The following ZNF609 variants were observed in gnomAD, a reference collection of about 807,000 sequenced individuals.
The protein encoded by ZNF609 is zinc finger protein 609.
ZNF609 carries 11 observed loss-of-function variants against 109.5 expected under a neutral mutation model. The ratio of observed to expected loss-of-function variants is 0.10; its 90% CI spans 0.06 to 0.17. ZNF609 has a LOEUF of 0.17. ZNF609 is among the 10% of genes least tolerant of loss of function. The pLI is 1.00. For missense variants in ZNF609, 1,559 were observed against 1,772.4 expected (o/e 0.88, Z 2.16); for synonymous variants, 646 against 662.0 (o/e 0.98, Z 0.37).
intron 2 of ZNF609, among the ~76,000 whole-genome samples, chr15:64,577,236 TAC>T (rs199515255): frequency 1.1e-4 from 7 of 61,204 alleles, no homozygotes; most frequent in Non-Finnish European, 1.6e-4. Flanking sequence ...CACAAATACA[TAC>T]ATATATATGT....
chr15:64,603,091 C>T (rs752113328), intron 2 of ZNF609, among the ~76,000 whole-genome samples: 9 of 151,560 alleles, frequency 5.9e-5, no homozygotes, highest in East Asian at 1.9e-4. Flanking sequence ...ATCCAGTTGC[C>T]TATTTAAAAC....
chr15:64,541,166 G>T (rs1474899195), intron 2 of ZNF609, among the ~76,000 whole-genome samples: 1 of 151,542 alleles, frequency 6.6e-6, no homozygotes, highest in East Asian at 2.0e-4. Flanking sequence ...GGTGGCTCAC[G>T]CCTGTAATCC....
intron 2 of ZNF609, among the ~76,000 whole-genome samples, chr15:64,614,196 C>T (rs184553931): frequency 4.5e-4 from 68 of 151,762 alleles, no homozygotes; most frequent in African/African-American, 1.5e-3. Flanking sequence ...GCTGGGATTA[C>T]AGGTGTGAGC....
At chr15:64,677,506 A>G (rs1896825570) in intron 5 of ZNF609, among the ~76,000 whole-genome samples, 1 of 151,992 alleles carries the variant, frequency 6.6e-6, no homozygotes, top group Admixed American at 6.6e-5. Flanking sequence ...TGTTTCCTCC[A>G]CTGTTTGGTT....
chr15:64,479,314 CAG>C (rs1157842575), intron 1 of ZNF609, among the ~76,000 whole-genome samples: 13 of 71,138 alleles, frequency 1.8e-4, no homozygotes, highest in Admixed American at 6.9e-4. Flanking sequence ...TTTTTTGAGA[CAG>C]AGTCTCGCCC....
chr15:64,559,785 A>G (rs1469432138), intron 2 of ZNF609, among the ~76,000 whole-genome samples: 4 of 152,206 alleles, frequency 2.6e-5, no homozygotes, highest in African/African-American at 4.8e-5. Context: ...AGCCCTTTCT[A>G]GTTTACTATG....
chr15:64,505,610 T>C (rs1316810987), intron 2 of ZNF609, among the ~76,000 whole-genome samples: 1 of 152,146 alleles, frequency 6.6e-6, no homozygotes, highest in Non-Finnish European at 1.5e-5. Flanking sequence ...GTGTGTCCCA[T>C]AAAACCATGT....
intron 1 of ZNF609, among the ~76,000 whole-genome samples, chr15:64,476,375 TATATG>T (rs1490671477): frequency 1.3e-5 from 2 of 151,432 alleles, no homozygotes; most frequent in Admixed American, 6.6e-5. Context: ...AGAAAGGTAA[TATATG>T]ATATGGGGAA....
At chr15:64,611,735 TC>T (rs1185316173) in intron 2 of ZNF609, among the ~76,000 whole-genome samples, 5 of 151,674 alleles carry the variant, frequency 3.3e-5, no homozygotes, top group South Asian at 2.1e-4. Flanking sequence ...AATTTTCTTT[TC>T]TTTTTTTTTT....
chr15:64,511,291 G>T (rs1157402030), intron 2 of ZNF609, among the ~76,000 whole-genome samples: 1 of 151,846 alleles, frequency 6.6e-6, no homozygotes, highest in Non-Finnish European at 1.5e-5. Flanking sequence ...GGCCAACATG[G>T]TGAAACTCTA....
chr15:64,527,870 C>T (rs918954758), intron 2 of ZNF609, among the ~76,000 whole-genome samples: 1 of 152,082 alleles, frequency 6.6e-6, no homozygotes, highest in Non-Finnish European at 1.5e-5. Flanking sequence ...TTGTTCAGAC[C>T]CTCATCATTT....
At chr15:64,547,465 G>C (rs1894384008) in intron 2 of ZNF609, among the ~76,000 whole-genome samples, 1 of 152,158 alleles carries the variant, frequency 6.6e-6, no homozygotes, top group Non-Finnish European at 1.5e-5. Context: ...ATTCTATGTA[G>C]AATTGACATG....
chr15:64,478,820 T>G (rs1893208516), intron 1 of ZNF609, among the ~76,000 whole-genome samples: 1 of 152,224 alleles, frequency 6.6e-6, no homozygotes, highest in African/African-American at 2.4e-5. Flanking sequence ...TATATCAAAC[T>G]TGAAGTCATA....
At chr15:64,555,964 A>C (rs1894578480) in intron 2 of ZNF609, among the ~76,000 whole-genome samples, 1 of 150,926 alleles carries the variant, frequency 6.6e-6, no homozygotes, top group African/African-American at 2.4e-5. Flanking sequence ...CCATAATCCT[A>C]CATGTAGCAA....
chr15:64,626,007 G>A (rs1365105512), intron 3 of ZNF609, among the ~76,000 whole-genome samples: 1 of 143,282 alleles, frequency 7.0e-6, no homozygotes, highest in African/African-American at 2.6e-5. Flanking sequence ...GAATGGTGTC[G>A]AAGTACTTTC....
rs187895637 is a variant in ZNF609, at chr15:64,587,597, C to T, written c.748-35230C>T. Among the ~76,000 whole-genome samples, 111 of 152,258 alleles carry T rather than the reference C, an allele frequency of 7.3e-4. 1 individual carries two copies. Among genetic ancestry groups the T allele is most frequent in the African/African-American group, 2.5e-3 (103 of 41,556 alleles). ...TTTTCAAAAGTGTTCATTGATTATACTCAAAAAACATTTATGGAGTACTTC... is the reference window on the plus strand; with the variant it reads ...TTTTCAAAAGTGTTCATTGATTATATTCAAAAAACATTTATGGAGTACTTC... On this transcript the variant is annotated intron_variant, in intron 2 of 9. Transcript: ENST00000326648.
chr15:64,675,894 T>G lies in ZNF609; in HGVS notation c.3040T>G (p.Leu1014Val). Residue 1014 changes from leucine to valine, a missense_variant, in exon 5 of 10, where the codon TTA becomes GTA. Leu to Val is a conservative substitution (Grantham distance 32). Around this residue, in one of 4 missense-constraint regions of ZNF609, gnomAD observed 1,204 missense variants for 1,314.1 expected, o/e 0.92. Coordinates refer to ENST00000326648, the MANE Select transcript of ZNF609 (RefSeq NM_015042.2). ...QYEEQQKRQS[L>V]EQQQRGVDKK... ...CGAAGAACAGCAGAAACGCCAGAGC[T>G]TAGAGCAGCAGCAGCGGGGAGTGGA... is the stretch of plus-strand genomic sequence containing the variant. 1 of 1,614,038 alleles carries G rather than the reference T, an allele frequency of 6.2e-7. No homozygotes were observed. The highest frequency in any genetic ancestry group is 8.5e-7 in the Non-Finnish European group (1 of 1,180,014).
chr15:64,464,345 C>G (rs1892982321), intron 1 of ZNF609, among the ~76,000 whole-genome samples: 1 of 152,186 alleles, frequency 6.6e-6, no homozygotes, highest in African/African-American at 2.4e-5. Flanking sequence ...TCCAGAAGTT[C>G]CCACTCTGCT....
At chr15:64,593,066 G>A (rs562875086) in intron 2 of ZNF609, 266 of 1,590,348 alleles carry the variant, frequency 1.7e-4, no homozygotes, top group Non-Finnish European at 8.4e-5. Context: ...TGCCCGATGC[G>A]TGCCCAAAGA....
Sources: allele counts gnomAD v4.1 joint callset (sites outside exome capture counted in the v4.1 genomes callset), GRCh38; gene constraint gnomAD v4.1.1; regional missense constraint gnomAD v4.1.1; transcripts MANE v1.5; gene names NCBI Gene and HGNC (gene_info 2026-07-23, HGNC 2026-07-21).